Variants in FAM193A observed in about 807,000 individuals in gnomAD.
The protein encoded by FAM193A is protein FAM193A.
In FAM193A, 22 loss-of-function variants were observed where a neutral mutation model predicts 126.5. That is an observed-to-expected ratio of 0.17 (90% CI 0.12 to 0.25). The LOEUF is 0.25. Ranked by LOEUF, FAM193A falls within the 10% of genes least tolerant of loss-of-function variation. The pLI, the probability that FAM193A is intolerant of heterozygous loss-of-function variation, is 1.00. For synonymous variants in FAM193A, 761 were observed against 646.8 expected (o/e 1.18, Z -2.68); for missense variants, 1,675 against 1,672.8 (o/e 1.00, Z -0.02).
chr4:2,610,423 A>G (rs1423884545), intron 2 of FAM193A, among the ~76,000 whole-genome samples: 1 of 152,216 alleles, frequency 6.6e-6, no homozygotes, highest in African/African-American at 2.4e-5. Flanking sequence ...AGAAACGTAC[A>G]GATTTCTTTG....
intron 2 of FAM193A, among the ~76,000 whole-genome samples, chr4:2,607,551 T>C (rs949013265): frequency 1.3e-5 from 2 of 152,370 alleles, no homozygotes; most frequent in East Asian, 3.9e-4. Flanking sequence ...AATATCTGTC[T>C]GCTGATACAT....
At chr4:2,720,681 T>C (rs1040867776) in intron 20 of FAM193A, among the ~76,000 whole-genome samples, 1 of 151,578 alleles carries the variant, frequency 6.6e-6, no homozygotes, top group African/African-American at 2.4e-5. Flanking sequence ...TTTTTCTCTA[T>C]ACCCACACCA....
At chr4:2,696,056 A>AT (rs1716999414) in intron 17 of FAM193A, among the ~76,000 whole-genome samples, 6 of 152,022 alleles carry the variant, frequency 3.9e-5, no homozygotes, top group Admixed American at 3.9e-4. Context: ...AAATAAATAA[A>AT]ATACATTAAT....
At chr4:2,699,517 A>G (rs1189695266) in intron 18 of FAM193A, among the ~76,000 whole-genome samples, 163 bp from the exon 19 acceptor site, 2 of 150,844 alleles carry the variant, frequency 1.3e-5, no homozygotes, top group Non-Finnish European at 3.0e-5. Flanking sequence ...CCTGCAGAGT[A>G]AGAGAATTGG....
At chr4:2,669,217 T>C (rs1053701514) in intron 12 of FAM193A, among the ~76,000 whole-genome samples, 1 of 152,244 alleles carries the variant, frequency 6.6e-6, no homozygotes, top group African/African-American at 2.4e-5. Flanking sequence ...TTCTGCCGAA[T>C]TTAAGTTACC....
intron 1 of FAM193A, among the ~76,000 whole-genome samples, chr4:2,575,950 G>A (rs1042866277): frequency 3.5e-4 from 53 of 152,114 alleles, no homozygotes; most frequent in African/African-American, 1.3e-3. Context: ...TCTGCCCTCA[G>A]GAGGCTTATG....
intron 1 of FAM193A, among the ~76,000 whole-genome samples, chr4:2,546,633 C>G (rs1737570800): frequency 6.6e-6 from 1 of 152,134 alleles, no homozygotes; most frequent in South Asian, 2.1e-4. Flanking sequence ...GTGTAGTATT[C>G]TGTTGTATAA....
chr4:2,719,927 A>G, intron 20 of FAM193A: 3 of 273,706 alleles, frequency 1.1e-5, no homozygotes, highest in South Asian at 2.9e-5. Flanking sequence ...AGTAGCCGGG[A>G]CTACAGGCAC....
chr4:2,679,375 C>CTTTTTTT (rs796366785), intron 13 of FAM193A, among the ~76,000 whole-genome samples: 36 of 87,892 alleles, frequency 4.1e-4, no homozygotes, highest in African/African-American at 1.1e-3. Context: ...AGTTTTCTTT[C>CTTTTTTT]TTTTTTTTTT....
intron 18 of FAM193A, among the ~76,000 whole-genome samples, chr4:2,697,110 G>T (rs911049103): frequency 6.6e-6 from 1 of 152,118 alleles, no homozygotes; most frequent in African/African-American, 2.4e-5. Context: ...TTGATTAGAG[G>T]GGAGGAAAAT....
rs180736625 is a variant in FAM193A, at chr4:2,552,112, C to T, written c.255+14942C>T. 2.3e-4 allele frequency among the ~76,000 whole-genome samples: 34 copies of T among 147,182 alleles called. No individual in the cohort carries two copies. The East Asian group carries it at 3.9e-3, about 17-fold the overall frequency. Reference sequence around the variant, plus strand: ...CTGCAAGCTCCGCCTCCTGGGTTTACGCCATTCTCCTGCCTCAGCCTCCGG... The same window carrying T: ...CTGCAAGCTCCGCCTCCTGGGTTTATGCCATTCTCCTGCCTCAGCCTCCGG... On this transcript the variant is annotated intron_variant, in intron 1 of 20. Coordinates refer to ENST00000637812, the MANE Select transcript of FAM193A (RefSeq NM_001366318.2).
At chr4:2,547,469 G>C (rs949603346) in intron 1 of FAM193A, among the ~76,000 whole-genome samples, 1 of 151,996 alleles carries the variant, frequency 6.6e-6, no homozygotes, top group Non-Finnish European at 1.5e-5. Context: ...CCAGGCTGGT[G>C]TCTATCTCCA....
intron 1 of FAM193A, among the ~76,000 whole-genome samples, chr4:2,563,830 A>G (rs1560445712): frequency 6.6e-6 from 1 of 152,236 alleles, no homozygotes; most frequent in Non-Finnish European, 1.5e-5. Flanking sequence ...GAAAGTATAT[A>G]GAGCCTTCAC....
intron 2 of FAM193A, among the ~76,000 whole-genome samples, chr4:2,619,599 C>G (rs1486026036): frequency 6.6e-6 from 1 of 152,082 alleles, no homozygotes. Context: ...AATTCCTGAC[C>G]TCAGGTGGTC....
chr4:2,714,638 CTG>C (rs1434522672), intron 19 of FAM193A, among the ~76,000 whole-genome samples: 1 of 152,142 alleles, frequency 6.6e-6, no homozygotes, highest in Non-Finnish European at 1.5e-5. Flanking sequence ...AGTGACATGT[CTG>C]TGAACAAACA....
At chr4:2,642,622 A>G (rs535308644) in intron 6 of FAM193A, among the ~76,000 whole-genome samples, 39 of 145,398 alleles carry the variant, frequency 2.7e-4, no homozygotes, top group Non-Finnish European at 4.5e-4. Flanking sequence ...ACAAGATTCC[A>G]GGGAATCTAC....
At chr4:2,584,691 C>G (rs1247145931) in intron 1 of FAM193A, among the ~76,000 whole-genome samples, 1 of 152,028 alleles carries the variant, frequency 6.6e-6, no homozygotes, top group Non-Finnish European at 1.5e-5. Context: ...CTTTGGGAGG[C>G]CGAGGTGGGC....
chr4:2,574,705 T>C (rs894019040), intron 1 of FAM193A, among the ~76,000 whole-genome samples: 3 of 152,168 alleles, frequency 2.0e-5, no homozygotes, highest in Non-Finnish European at 4.4e-5. Flanking sequence ...TAAATAAATG[T>C]GGAGCTGGGG....
chr4:2,622,277 A>C (rs1403032935), intron 2 of FAM193A, among the ~76,000 whole-genome samples: 2 of 151,472 alleles, frequency 1.3e-5, no homozygotes, highest in East Asian at 1.9e-4. Context: ...AAAAAAAAAA[A>C]AAAAAACCTA....
Sources: gnomAD v4.1 joint callset for allele counts (sites outside exome capture counted in the v4.1 genomes callset) on GRCh38, gnomAD v4.1.1 for gene constraint, MANE v1.5 for transcripts, NCBI Gene and HGNC (gene_info 2026-07-23, HGNC 2026-07-21) for gene names.